Variants in ATP10B observed in about 807,000 individuals in gnomAD.
ATP10B encodes the protein phospholipid-transporting ATPase VB.
ATP10B carries 122 observed loss-of-function variants against 141.2 expected under a neutral mutation model. The observed-to-expected ratio is 0.86, with a 90% CI of 0.75 to 1.00. The LOEUF is 1.00. Ranked by LOEUF, ATP10B falls within the 50% of genes least tolerant of loss-of-function variation. ATP10B has a pLI of 0.00. For synonymous variants in ATP10B, 685 were observed against 692.0 expected (o/e 0.99, Z 0.16); for missense variants, 1,876 against 1,825.3 (o/e 1.03, Z -0.51).
intron 7 of ATP10B, among the ~76,000 whole-genome samples, chr5:160,656,090 A>G (rs1761476393): frequency 6.6e-6 from 1 of 152,108 alleles, no homozygotes; most frequent in Non-Finnish European, 1.5e-5. Context: ...CTCAAGTTTT[A>G]CTTTTCTAGG....
intron 2 of ATP10B, among the ~76,000 whole-genome samples, chr5:160,723,195 T>G (rs1042296101): frequency 2.0e-5 from 3 of 152,244 alleles, no homozygotes; most frequent in African/African-American, 7.2e-5. Context: ...CTTTTCATAC[T>G]TCTATGCATT....
chr5:160,691,550 G>A (rs1219499679), intron 3 of ATP10B, among the ~76,000 whole-genome samples: 2 of 152,090 alleles, frequency 1.3e-5, no homozygotes, highest in Non-Finnish European at 2.9e-5. Context: ...TAGGCTCATA[G>A]GATAATTTTC....
At chr5:160,649,306 T>G (rs1370476679) in intron 7 of ATP10B, 50 bp from the exon 8 acceptor site, 9 of 1,336,040 alleles carry the variant, frequency 6.7e-6, no homozygotes, top group Non-Finnish European at 9.7e-6. Context: ...GGATCTAGTT[T>G]TAATAGGATC....
intron 21 of ATP10B, among the ~76,000 whole-genome samples, chr5:160,601,978 G>A (rs1561643709): frequency 1.3e-5 from 2 of 152,158 alleles, no homozygotes; most frequent in South Asian, 2.1e-4. Flanking sequence ...AAGGCATGGG[G>A]TATAGCTCTT....
chr5:160,722,476 C>T (rs1003609524), intron 2 of ATP10B, among the ~76,000 whole-genome samples: 2 of 152,258 alleles, frequency 1.3e-5, no homozygotes, highest in African/African-American at 2.4e-5. Context: ...TTGGTTGCTA[C>T]CTTAGCTGCT....
intron 1 of ATP10B, among the ~76,000 whole-genome samples, chr5:160,805,491 A>G (rs758817183): frequency 2.4e-4 from 37 of 152,190 alleles, no homozygotes; most frequent in Admixed American, 7.9e-4. Context: ...AGCTGCCCAG[A>G]ATGCTGTTAA....
At chr5:160,734,089 A>C (rs1766940150) in intron 2 of ATP10B, among the ~76,000 whole-genome samples, 1 of 134,772 alleles carries the variant, frequency 7.4e-6, no homozygotes, top group Non-Finnish European at 1.6e-5. Flanking sequence ...GGTTGGTGAC[A>C]GAGTGAGACT....
At chr5:160,733,186 A>T (rs1766859553) in intron 2 of ATP10B, among the ~76,000 whole-genome samples, 1 of 152,106 alleles carries the variant, frequency 6.6e-6, no homozygotes, top group Non-Finnish European at 1.5e-5. Context: ...GGTTAAATTA[A>T]TTTCTATGTC....
At chr5:160,725,822 A>G (rs1766310488) in intron 2 of ATP10B, among the ~76,000 whole-genome samples, 1 of 152,194 alleles carries the variant, frequency 6.6e-6, no homozygotes, top group Admixed American at 6.5e-5. Context: ...GTGGGAAGAA[A>G]TGGAGTGAAG....
chr5:160,664,567 A>C (rs1340263560), intron 7 of ATP10B, among the ~76,000 whole-genome samples: 1 of 152,228 alleles, frequency 6.6e-6, no homozygotes. Context: ...AGTGTCTTTC[A>C]AACTTTCATG....
At chr5:160,697,661 G>A (rs2127757573) in intron 3 of ATP10B, among the ~76,000 whole-genome samples, 1 of 152,190 alleles carries the variant, frequency 6.6e-6, no homozygotes, top group Non-Finnish European at 1.5e-5. Flanking sequence ...GGAAAAGAGA[G>A]AGTGAGAAAG....
chr5:160,574,566 A>G (rs907609587), intron 24 of ATP10B, among the ~76,000 whole-genome samples: 1 of 152,184 alleles, frequency 6.6e-6, no homozygotes, highest in Non-Finnish European at 1.5e-5. Flanking sequence ...TGTGGTTTAA[A>G]TGTATGTGCC....
At chr5:160,775,237 T>C (rs1054912218) in intron 2 of ATP10B, among the ~76,000 whole-genome samples, 4 of 152,206 alleles carry the variant, frequency 2.6e-5, no homozygotes, top group African/African-American at 7.2e-5. Context: ...GGGGCTGAAG[T>C]AGACCTGTAT....
At chr5:160,700,632 G>T (rs576356860) in intron 3 of ATP10B, among the ~76,000 whole-genome samples, 20 of 152,152 alleles carry the variant, frequency 1.3e-4, no homozygotes, top group African/African-American at 4.8e-4. Flanking sequence ...AGGTGCTTTG[G>T]GCTGGACATT....
intron 6 of ATP10B, among the ~76,000 whole-genome samples, chr5:160,680,582 A>G (rs1475916611): frequency 6.6e-6 from 1 of 152,182 alleles, no homozygotes; most frequent in Non-Finnish European, 1.5e-5. Flanking sequence ...AGTCTCAAAA[A>G]TATTTTAAAG....
At chr5:160,687,652 C>A (rs1242260860) in intron 5 of ATP10B, 148 bp downstream of exon 5, 4 of 945,568 alleles carry the variant, frequency 4.2e-6, no homozygotes, top group African/African-American at 1.7e-5. Flanking sequence ...GTGGTCCCAG[C>A]TATTTGGGAG....
chr5:160,609,019 T>C (rs1432862156), intron 18 of ATP10B, among the ~76,000 whole-genome samples: 1 of 152,238 alleles, frequency 6.6e-6, no homozygotes, highest in Non-Finnish European at 1.5e-5. Flanking sequence ...GCCTTTGTCC[T>C]GAATAGCATT....
At chr5:160,915,746 G>A in the ATP10B span, among the ~76,000 whole-genome samples, 1 of 152,170 alleles carries the variant, frequency 6.6e-6, no homozygotes, top group Non-Finnish European at 1.5e-5. Flanking sequence ...GAGCTGTAGG[G>A]TTTGGAAGAG....
chr5:160,868,388 A>T, the ATP10B span, among the ~76,000 whole-genome samples: 4 of 152,136 alleles, frequency 2.6e-5, no homozygotes, highest in African/African-American at 4.8e-5. Flanking sequence ...ACAGAGCTTT[A>T]GGCAGTTTAT....
Sources: gnomAD v4.1 joint callset for allele counts (sites outside exome capture counted in the v4.1 genomes callset) on GRCh38, gnomAD v4.1.1 for gene constraint, MANE v1.5 for transcripts, NCBI Gene and HGNC (gene_info 2026-07-23, HGNC 2026-07-21) for gene names.